The following MED27 variants were observed in gnomAD, a reference collection of about 807,000 sequenced individuals.
The protein encoded by MED27 is mediator of RNA polymerase II transcription subunit 27.
In MED27, 30 loss-of-function variants were observed where a neutral mutation model predicts 38.2. The ratio of observed to expected loss-of-function variants is 0.79; its 90% CI spans 0.59 to 1.07. MED27 has a LOEUF of 1.07. Ranked by LOEUF, MED27 falls within the 50% of genes least tolerant of loss-of-function variation. The probability of loss-of-function intolerance (pLI) is 0.00; values close to 1 mark genes in which losing one functional copy is unlikely to be tolerated. For synonymous variants in MED27, 122 were observed against 153.5 expected, an observed-to-expected ratio of 0.79 and a Z score of 1.52; for missense variants, 289 against 397.5, an observed-to-expected ratio of 0.73 and a Z score of 2.32.
At chr9:131,915,900 C>A (rs999569823) in intron 4 of MED27, among the ~76,000 whole-genome samples, 3 of 152,230 alleles carry the variant, frequency 2.0e-5, no homozygotes. Flanking sequence ...CCGCTAATTA[C>A]AATTTGCTTA....
chr9:132,033,759 C>A (rs1328979001), intron 2 of MED27, among the ~76,000 whole-genome samples: 1 of 152,188 alleles, frequency 6.6e-6, no homozygotes. Context: ...CTGTGTGTCT[C>A]CAGATTCTAT....
At chr9:131,977,825 A>G (rs1002001954) in intron 3 of MED27, among the ~76,000 whole-genome samples, 1 of 152,202 alleles carries the variant, frequency 6.6e-6, no homozygotes, top group Non-Finnish European at 1.5e-5. Flanking sequence ...AAAGAAACCA[A>G]TCAAGCATTT....
chr9:131,984,542 A>T (rs1831808975), intron 3 of MED27, among the ~76,000 whole-genome samples: 1 of 152,180 alleles, frequency 6.6e-6, no homozygotes, highest in Admixed American at 6.5e-5. Context: ...CCCATAAGAG[A>T]ACAGCGGAAC....
intron 4 of MED27, among the ~76,000 whole-genome samples, chr9:131,936,843 T>G (rs779551234): frequency 3.3e-5 from 5 of 152,166 alleles, no homozygotes; most frequent in Non-Finnish European, 7.3e-5. Context: ...CAGGAGGAAA[T>G]GCCGTTTTAT....
At chr9:131,932,044 A>G (rs1468119879) in intron 4 of MED27, among the ~76,000 whole-genome samples, 2 of 152,156 alleles carry the variant, frequency 1.3e-5, no homozygotes, top group African/African-American at 2.4e-5. Flanking sequence ...CAGAACACAT[A>G]TTCTTCTCCT....
intron 3 of MED27, among the ~76,000 whole-genome samples, chr9:131,977,072 GC>G (rs1331603497): frequency 6.6e-6 from 1 of 152,152 alleles, no homozygotes; most frequent in African/African-American, 2.4e-5. Flanking sequence ...TTATGGCCCT[GC>G]CAAGCCAGCC....
intron 3 of MED27, among the ~76,000 whole-genome samples, chr9:131,940,494 C>A (rs749098635): frequency 2.6e-5 from 4 of 152,114 alleles, no homozygotes; most frequent in Non-Finnish European, 5.9e-5. Flanking sequence ...CAGCTCACTG[C>A]AACCTCCGCC....
chr9:132,056,666 G>A (rs1833584611), intron 2 of MED27, among the ~76,000 whole-genome samples: 1 of 152,098 alleles, frequency 6.6e-6, no homozygotes, highest in African/African-American at 2.4e-5. Context: ...TTTCAGAAAA[G>A]CAACTTCTCA....
chr9:131,926,973 A>C (rs1830495290), intron 4 of MED27, among the ~76,000 whole-genome samples: 1 of 152,254 alleles, frequency 6.6e-6, no homozygotes, highest in Admixed American at 6.5e-5. Context: ...ATTGTAAATT[A>C]ATATTTTAAA....
intron 4 of MED27, among the ~76,000 whole-genome samples, chr9:131,919,622 TA>T (rs1208039674): frequency 1.3e-5 from 2 of 151,916 alleles, no homozygotes; most frequent in Non-Finnish European, 2.9e-5. Flanking sequence ...GGGTCCCAAG[TA>T]GGGGTGAGTA....
At chr9:131,995,266 G>C (rs1465556085) in intron 3 of MED27, among the ~76,000 whole-genome samples, 7 of 152,202 alleles carry the variant, frequency 4.6e-5, no homozygotes, top group Middle Eastern at 3.4e-3. Flanking sequence ...CAACCAAGCA[G>C]AAAAGTGACC....
At chr9:131,994,191 C>T (rs561752537) in intron 3 of MED27, among the ~76,000 whole-genome samples, 104 of 152,208 alleles carry the variant, frequency 6.8e-4, no homozygotes, top group African/African-American at 2.3e-3. Flanking sequence ...GTAAAATTAG[C>T]CTTGTTATAC....
intron 3 of MED27, among the ~76,000 whole-genome samples, chr9:131,992,501 G>A (rs1831998113): frequency 6.6e-6 from 1 of 152,052 alleles, no homozygotes; most frequent in African/African-American, 2.4e-5. Flanking sequence ...GGGCTCAAAG[G>A]ATCCTCCCTC....
At position 131,893,953 on chromosome 9, in the gene MED27, G is replaced by A. The variant is rs1452701653; in HGVS notation, c.613C>T (p.Arg205Trp). ...ATTGTTCGATCAATGAACAGGCTCC[G>A]CATGACGACGATCACTTTCAACACC... ...GKVLKVIVVMRSLFIDRTIVK... is the reference protein window; with the variant it reads ...GKVLKVIVVMWSLFIDRTIVK... Residue 205 changes from arginine (R) to tryptophan (W), a missense_variant, in exon 5 of 8, where the codon CGG becomes TGG. Transcript: ENST00000292035. The A allele has an allele frequency of 5.6e-6, 9 of 1,614,020 alleles. No individual in the cohort carries two copies. Among genetic ancestry groups the A allele is most frequent in the Admixed American group, 3.3e-5 (2 of 59,996 alleles).
intron 3 of MED27, among the ~76,000 whole-genome samples, chr9:131,988,021 G>A (rs965991533): frequency 6.6e-6 from 1 of 152,198 alleles, no homozygotes; most frequent in African/African-American, 2.4e-5. Flanking sequence ...TGGTTTAGGC[G>A]ATTTTTAGGT....
chr9:131,994,043 T>C (rs912927586), intron 3 of MED27, among the ~76,000 whole-genome samples: 6 of 152,234 alleles, frequency 3.9e-5, no homozygotes, highest in Admixed American at 3.3e-4. Context: ...TTATCTTGTT[T>C]CTATTAATCT....
chr9:131,906,858 G>T (rs1326321712), intron 4 of MED27, among the ~76,000 whole-genome samples: 1 of 152,186 alleles, frequency 6.6e-6, no homozygotes, highest in Non-Finnish European at 1.5e-5. Context: ...AGATGCTAAA[G>T]AAGGAGTGGA....
At chr9:131,970,016 C>T (rs182556593) in intron 3 of MED27, among the ~76,000 whole-genome samples, 3 of 152,192 alleles carry the variant, frequency 2.0e-5, no homozygotes, top group South Asian at 2.1e-4. Context: ...AAATGACCTG[C>T]CCTAGTGCCA....
At chr9:131,979,862 G>GCTGA (rs1831693252) in intron 3 of MED27, among the ~76,000 whole-genome samples, 1 of 152,018 alleles carries the variant, frequency 6.6e-6, no homozygotes. Context: ...TGGCTGGCTG[G>GCTGA]AGAGAACTCA....
Sources: gnomAD v4.1 joint callset for allele counts (sites outside exome capture counted in the v4.1 genomes callset) on GRCh38, gnomAD v4.1.1 for gene constraint, MANE v1.5 for transcripts, NCBI Gene and HGNC (gene_info 2026-07-23, HGNC 2026-07-21) for gene names.